ECI2: variants seen among roughly 807,000 people sequenced by gnomAD.
ECI2 encodes enoyl-CoA delta isomerase 2, also known as D3,D2-enoyl-CoA isomerase.
Under a neutral mutation model 38.4 loss-of-function variants are expected in ECI2, and 27 were observed. The observed-to-expected ratio is 0.70, with a 90% CI of 0.52 to 0.97. The LOEUF is 0.97. Ranked by LOEUF, ECI2 falls within the 50% of genes least tolerant of loss-of-function variation. ECI2 has a pLI of 0.00. For missense variants in ECI2, 470 were observed against 474.4 expected (o/e 0.99, Z 0.09); for synonymous variants, 168 against 172.0 (o/e 0.98, Z 0.18).
chr6:4,129,302 T>TG (rs1424155833), intron 4 of ECI2, among the ~76,000 whole-genome samples: 1 of 152,100 alleles, frequency 6.6e-6, no homozygotes, highest in Admixed American at 6.5e-5. Context: ...TTAGTAGAGA[T>TG]GGAGTTTCAC....
intron 4 of ECI2, among the ~76,000 whole-genome samples, chr6:4,129,777 G>C (rs1171227528): frequency 6.6e-6 from 1 of 152,014 alleles, no homozygotes; most frequent in Non-Finnish European, 1.5e-5. Context: ...TGAAATTTTA[G>C]TCCCAGTTGA....
At chr6:4,134,319 T>C (rs1046602106) in intron 1 of ECI2, among the ~76,000 whole-genome samples, 2 of 151,704 alleles carry the variant, frequency 1.3e-5, no homozygotes, top group Admixed American at 1.3e-4. Context: ...CTACCTGCAG[T>C]GGAAGGGAGT....
intron 7 of ECI2, among the ~76,000 whole-genome samples, chr6:4,124,298 T>G (rs980160328): frequency 1.1e-4 from 17 of 152,204 alleles, no homozygotes; most frequent in African/African-American, 3.9e-4. Flanking sequence ...TCCAATCTGG[T>G]TCAATGGAAT....
chr6:4,123,697 T>C (rs1772957454), intron 7 of ECI2, among the ~76,000 whole-genome samples: 1 of 152,100 alleles, frequency 6.6e-6, no homozygotes, highest in African/African-American at 2.4e-5. Flanking sequence ...CCAGGCTCAG[T>C]GGCTCACACC....
intron 4 of ECI2, among the ~76,000 whole-genome samples, chr6:4,129,158 C>T (rs1460667978): frequency 6.7e-6 from 1 of 148,580 alleles, no homozygotes; most frequent in East Asian, 2.0e-4. Context: ...CATTGCGAGG[C>T]CCAGGCTAGA....
At chr6:4,127,349 A>G (rs1384891789) in intron 5 of ECI2, among the ~76,000 whole-genome samples, 1 of 140,430 alleles carries the variant, frequency 7.1e-6, no homozygotes, top group Non-Finnish European at 1.5e-5. Context: ...TTTTTTAAAC[A>G]TTTTTTGTAT....
chr6:4,117,700 G>A (rs1772375893), intron 8 of ECI2: 1 of 384,788 alleles, frequency 2.6e-6, no homozygotes, highest in African/African-American at 2.1e-5. Context: ...AGATCAGGGG[G>A]TCCAGGGCAG....
Position 4,125,860 on chromosome 6 carries a change from T to G in ECI2, c.674+275A>C, listed in dbSNP as rs991321119. 2.2e-5 allele frequency: 12 copies of G among 544,816 alleles called. No homozygotes were observed. In the African/African-American group the frequency reaches 2.3e-4, roughly 10 times the overall value. 33.7% of individuals were successfully genotyped at this position (544,816 alleles called of 1,614,324 possible). A position where few individuals can be genotyped will look rare whatever the true frequency, so the allele number is the denominator to read the frequency against. On this transcript the variant is annotated intron_variant, in intron 6 of 9. Transcript: ENST00000380118. ...TGAGAATTTGCTAAATTCCTCTGCC[T>G]CAGTGCAAGATAATTTTGTTTACAA...
intron 7 of ECI2, chr6:4,121,969 T>C (rs1329081660): frequency 6.3e-7 from 1 of 1,585,228 alleles, no homozygotes; most frequent in Admixed American, 1.8e-5. Flanking sequence ...CAAAAAAATG[T>C]ACCCAGAAGA....
intron 1 of ECI2, chr6:4,134,991 C>A (rs35071107): frequency 0.19 from 74,686 of 387,324 alleles, 8,357 homozygotes; most frequent in Non-Finnish European, 0.25. Context: ...GTTCCCGGGA[C>A]CCCAGGGAGG....
At chr6:4,125,936 T>C (rs954225855) in intron 6 of ECI2, 199 bp downstream of exon 6, 4 of 678,982 alleles carry the variant, frequency 5.9e-6, no homozygotes, top group Non-Finnish European at 1.1e-5. Flanking sequence ...ACCAGCAGGA[T>C]GAACAGGTAA....
chr6:4,135,248 C>T, intron 1 of ECI2: 1 of 1,060,106 alleles, frequency 9.4e-7, no homozygotes, highest in Non-Finnish European at 1.4e-6. Flanking sequence ...CGGAGGCAGG[C>T]GGAGACCTTG....
chr6:4,126,973 C>T (rs1488933893), intron 5 of ECI2, among the ~76,000 whole-genome samples: 1 of 152,130 alleles, frequency 6.6e-6, no homozygotes, highest in East Asian at 1.9e-4. Flanking sequence ...CCTAGCTATC[C>T]CACCCCACCT....
intron 1 of ECI2, chr6:4,135,037 C>A (rs1349978498): frequency 2.3e-6 from 1 of 435,776 alleles, no homozygotes; most frequent in South Asian, 1.6e-5. Context: ...CTGTACCCGG[C>A]CATTTCACTT....
At position 4,130,428 on chromosome 6, in the gene ECI2, C is replaced by T; in HGVS notation, c.445G>A (p.Gly149Ser). Residue 149 changes from glycine to serine, a missense_variant, in exon 4 of 10, where the codon GGC becomes AGC. By Grantham distance (56) the Gly-to-Ser change is moderately conservative (BLOSUM62 0). Transcript: ENST00000380118. Reference sequence around the variant, plus strand: ...CGGTTGAACATGATCTTTGTGATGCCATCTTCGGAGGTCACCACCAGAGTT... The same window carrying T: ...CGGTTGAACATGATCTTTGTGATGCTATCTTCGGAGGTCACCACCAGAGTT... The part of the protein sequence containing the change: ...FETLVVTSED[G>S]ITKIMFNRPK... 6.2e-7 allele frequency: 1 copy of T among 1,614,170 alleles called. No homozygotes were observed. Among genetic ancestry groups the T allele is most frequent in the Non-Finnish European group, 8.5e-7 (1 of 1,180,034 alleles).
In ECI2 at chr6:4,127,404, C is replaced by CTTTTTTT. The variant is rs71001567; in HGVS notation, c.571+351_571+357dup. Among the ~76,000 whole-genome samples, 14 of 75,896 alleles carry CTTTTTTT rather than the reference C, an allele frequency of 1.8e-4. 2 individuals are homozygous for CTTTTTTT. Among genetic ancestry groups the CTTTTTTT allele is most frequent in the African/African-American group, 7.1e-4 (13 of 18,318 alleles). The allele number at this position is 75,896 out of a possible 152,430, so 49.8% of individuals were successfully genotyped here. ...ACAGTACTGGAAAAGATCTTAGAGC[C>CTTTTTTT]TTTTTTTTTTTTTTTTTTTTTTTTT... On this transcript the variant is annotated intron_variant, in intron 5 of 9. Transcript: ENST00000380118.
intron 7 of ECI2, among the ~76,000 whole-genome samples, chr6:4,119,502 G>C (rs188345246): frequency 6.6e-6 from 1 of 151,922 alleles, no homozygotes; most frequent in Non-Finnish European, 1.5e-5. Context: ...TGTATTTTTC[G>C]TAGAGACGGG....
intron 7 of ECI2, among the ~76,000 whole-genome samples, chr6:4,123,240 G>A (rs61188016): frequency 1.3e-5 from 2 of 151,420 alleles, no homozygotes; most frequent in Non-Finnish European, 2.9e-5. Context: ...GCAGTGGTAC[G>A]ATCTCGGCTC....
At position 4,115,973 on chromosome 6, in the gene ECI2, A is replaced by C. The variant is rs766192053; in HGVS notation, c.1086T>G (p.Ala362=). The change falls in exon 10 of 10, where the codon GCT becomes GCG. Residue 362 remains alanine, a synonymous_variant. Transcript: ENST00000380118. ...GGACATTGCATTCTTCAGCATTAAC[A>C]GCGTGTAGTTTTTCTCTCTCTCTTT... ...IRKREREKLH[A]VNAEECNVLQ... 6.8e-6 allele frequency: 11 copies of C among 1,614,078 alleles called. No individual in the cohort carries two copies. The highest frequency in any genetic ancestry group is 1.7e-5 in the Admixed American group (1 of 59,984).
Sources: allele counts gnomAD v4.1 joint callset (sites outside exome capture counted in the v4.1 genomes callset), GRCh38; gene constraint gnomAD v4.1.1; transcripts MANE v1.5; gene names NCBI Gene and HGNC (gene_info 2026-07-23, HGNC 2026-07-21).